GTPBP4: variants seen among roughly 807,000 people sequenced by gnomAD.
The protein encoded by GTPBP4 is GTP binding protein 4, also known as GTP-binding protein 4.
In GTPBP4, 15 loss-of-function variants were observed where a neutral mutation model predicts 81.7. The ratio of observed to expected loss-of-function variants is 0.18; its 90% CI spans 0.12 to 0.28. The LOEUF (loss-of-function observed/expected upper bound fraction) is 0.28. GTPBP4 is among the 10% of genes least tolerant of loss of function. GTPBP4 has a pLI of 1.00. For missense variants in GTPBP4, 847 were observed against 793.8 expected, an observed-to-expected ratio of 1.07 and a Z score of -0.81; for synonymous variants, 272 against 274.6, an observed-to-expected ratio of 0.99 and a Z score of 0.09.
In GTPBP4 at chr10:1,007,052, C is replaced by G; in HGVS notation, c.1037C>G (p.Thr346Ser). The G allele has an allele frequency of 6.2e-7, 1 of 1,613,116 alleles. No homozygotes were observed. Among genetic ancestry groups the G allele is most frequent in the Non-Finnish European group, 8.5e-7 (1 of 1,179,158 alleles). ...CDRLLAHRVETKMKGNKVNEV... is the reference protein window; with the variant it reads ...CDRLLAHRVESKMKGNKVNEV... ...AGGCTTTTGGCTCATCGAGTGGAAA[C>G]CAAAATGAAGGGAAATAAAGTGAAT... The change falls in exon 10 of 17, where the codon ACC becomes AGC. Residue 346 changes from threonine to serine, a missense_variant. Thr to Ser is a moderately conservative substitution (Grantham distance 58). This residue lies in a region of GTPBP4 where 600 missense variants were observed against 557.1 expected (regional missense o/e 1.08). Transcript: ENST00000360803.
intron 8 of GTPBP4, among the ~76,000 whole-genome samples, chr10:1,003,890 G>T (rs1831681052): frequency 6.6e-6 from 1 of 152,188 alleles, no homozygotes; most frequent in Non-Finnish European, 1.5e-5. Context: ...ACTCAGGGTA[G>T]CTGTGGGACT....
In GTPBP4 at chr10:1,008,959, A is replaced by G. The variant is rs1331964005; in HGVS notation, c.1115A>G (p.Glu372Gly). 1.2e-6 allele frequency: 2 copies of G among 1,606,538 alleles called. No homozygotes were observed. Reference protein sequence around the residue: ...LAIPTRRDDKERPPFIPEGVV... With the variant: ...LAIPTRRDDKGRPPFIPEGVV... ...ATATTTTATATGGGATCTTCTCAGG[A>G]GAGGCCCCCTTTCATCCCTGAAGGA... The change falls in exon 11 of 17, where the codon GAG becomes GGG. Residue 372 changes from glutamate to glycine, a missense_variant and splice_region_variant. Glu to Gly is a moderately conservative substitution (Grantham distance 98). Coordinates refer to ENST00000360803, the MANE Select transcript of GTPBP4 (RefSeq NM_012341.3).
rs1831880915 is a variant in GTPBP4, at chr10:1,011,825, C to CAGAAA, written c.1345-640_1345-639insAGAAA. 7.2e-5 allele frequency among the ~76,000 whole-genome samples: 11 copies of CAGAAA among 152,334 alleles called. 2 individuals carry two copies. The South Asian group carries it at 2.3e-3, about 32-fold the overall frequency. On this transcript the variant is annotated intron_variant, in intron 13 of 16. Coordinates refer to ENST00000360803, the MANE Select transcript of GTPBP4 (RefSeq NM_012341.3). ...CGCGGTGGCCGCCTGCCTTCCCAGC[C>CAGAAA]TCTTCCCCTCTGCAGTGCGCGCTCT...
At chr10:990,778 C>A (rs1179847483) in intron 1 of GTPBP4, among the ~76,000 whole-genome samples, 2 of 142,050 alleles carry the variant, frequency 1.4e-5, no homozygotes, top group Non-Finnish European at 3.0e-5. Flanking sequence ...TATGACCATA[C>A]TAGAAATAAA....
chr10:995,643 C>G (rs1373678163), intron 2 of GTPBP4, among the ~76,000 whole-genome samples: 1 of 152,128 alleles, frequency 6.6e-6, no homozygotes, highest in East Asian at 1.9e-4. Flanking sequence ...AGTTCCTGAG[C>G]AACAGGAAGG....
intron 8 of GTPBP4, among the ~76,000 whole-genome samples, chr10:1,001,840 C>A (rs990833017): frequency 6.6e-6 from 1 of 151,914 alleles, no homozygotes; most frequent in Non-Finnish European, 1.5e-5. Context: ...GTTTCATGGA[C>A]TGAGGAGAGG....
intron 1 of GTPBP4, among the ~76,000 whole-genome samples, chr10:990,711 G>A (rs1423097237): frequency 9.6e-6 from 1 of 104,366 alleles, no homozygotes; most frequent in African/African-American, 4.0e-5. Flanking sequence ...CTGGGCAACA[G>A]AGCAAGACTC....
At position 1,017,810 on chromosome 10, in the gene GTPBP4, G is replaced by A. The variant is rs895095886; in HGVS notation, c.*583G>A. ...TTTTAAAGCAAAAATACTTTTGGGG[G>A]AGTAAAATGTTGCTGGAGGCATTAG... On this transcript the variant is annotated 3_prime_UTR_variant, in exon 17 of 17. Coordinates refer to ENST00000360803, the MANE Select transcript of GTPBP4 (RefSeq NM_012341.3). The A allele has an allele frequency of 6.6e-6, 1 of 152,204 alleles. No individual in the cohort carries two copies. The allele number at this position is 152,204 out of a possible 1,614,324, so 9.4% of individuals were successfully genotyped here. A position where few individuals can be genotyped will look rare whatever the true frequency, so the allele number is the denominator to read the frequency against.
chr10:1,000,923 T>A, intron 7 of GTPBP4, 25 bp from the exon 8 acceptor site: 1 of 1,599,154 alleles, frequency 6.3e-7, no homozygotes, highest in Non-Finnish European at 8.6e-7. Context: ...GAATAATGAT[T>A]TCATTATTTT....
In GTPBP4 at chr10:1,017,961, T is replaced by G. The variant is rs991094617; in HGVS notation, c.*734T>G. ...GCTGGGGAGCGTTGGGGTGAAGAGCTGTGGGGTCGGAGGGACCTGCCCAGG... is the reference window on the plus strand; with the variant it reads ...GCTGGGGAGCGTTGGGGTGAAGAGCGGTGGGGTCGGAGGGACCTGCCCAGG... On this transcript the variant is annotated 3_prime_UTR_variant, in exon 17 of 17. Coordinates refer to ENST00000360803, the MANE Select transcript of GTPBP4 (RefSeq NM_012341.3). The G allele has an allele frequency of 6.6e-6, 1 of 152,162 alleles. No individual in the cohort carries two copies. Among genetic ancestry groups the G allele is most frequent in the South Asian group, 2.1e-4 (1 of 4,830 alleles). The allele number at this position is 152,162 out of a possible 1,614,324, so 9.4% of individuals were successfully genotyped here.
chr10:1,013,532 C>A (rs1831918690), intron 14 of GTPBP4, among the ~76,000 whole-genome samples: 2 of 151,980 alleles, frequency 1.3e-5, no homozygotes, highest in African/African-American at 2.4e-5. Context: ...ATGGTGTGAA[C>A]CCGGGAGGCA....
chr10:1,007,306 C>T (rs957603837), intron 10 of GTPBP4, 178 bp downstream of exon 10: 14 of 546,632 alleles, frequency 2.6e-5, no homozygotes, highest in Non-Finnish European at 3.3e-5. Flanking sequence ...AAGTGCAGAA[C>T]GCCACATGGC....
intron 9 of GTPBP4, among the ~76,000 whole-genome samples, chr10:1,006,689 A>T (rs1478632842): frequency 6.6e-6 from 1 of 151,694 alleles, no homozygotes; most frequent in Non-Finnish European, 1.5e-5. Context: ...GGATTTAAAA[A>T]GATGGCACTC....
At chr10:1,016,710 A>G (rs957977282) in intron 16 of GTPBP4, among the ~76,000 whole-genome samples, 1 of 152,234 alleles carries the variant, frequency 6.6e-6, no homozygotes, top group Non-Finnish European at 1.5e-5. Context: ...TGTCCTGGGT[A>G]TGATTTTCAT....
Position 1,009,541 on chromosome 10 carries a change from G to C in GTPBP4, c.1204G>C (p.Glu402Gln). Residue 402 changes from glutamate (E) to glutamine (Q), a missense_variant, in exon 12 of 17, where the codon GAG becomes CAG. Transcript: ENST00000360803. ...CTTTCTATTGCAGGAACGAGATCTT[G>C]AGCTGGAAATGGGAGATGATTATAT... ...ESRKKRERDLELEMGDDYILD... is the reference protein window; with the variant it reads ...ESRKKRERDLQLEMGDDYILD... 6.2e-7 allele frequency: 1 copy of C among 1,604,856 alleles called. No individual in the cohort carries two copies. The highest frequency in any genetic ancestry group is 8.5e-7 in the Non-Finnish European group (1 of 1,171,480).
intron 8 of GTPBP4, among the ~76,000 whole-genome samples, chr10:1,003,907 C>G (rs1186204764): frequency 6.6e-6 from 1 of 152,128 alleles, no homozygotes; most frequent in African/African-American, 2.4e-5. Flanking sequence ...GACTGGGGTC[C>G]TAGCCTTAGG....
chr10:1,010,756 C>T (rs568063327), intron 13 of GTPBP4, among the ~76,000 whole-genome samples: 39 of 149,114 alleles, frequency 2.6e-4, no homozygotes, highest in African/African-American at 7.7e-4. Flanking sequence ...CCACCCACCC[C>T]GGACACTCTG....
At chr10:1,007,924 G>A (rs1831776469) in intron 10 of GTPBP4, 1 of 517,552 alleles carries the variant, frequency 1.9e-6, no homozygotes, top group Non-Finnish European at 3.8e-6. Context: ...TCGCTGATTT[G>A]TTACTTTTGT....
In GTPBP4 at chr10:1,000,830, G is replaced by A; in HGVS notation, c.808G>A (p.Glu270Lys). Residue 270 changes from glutamate to lysine, a missense_variant, in exon 7 of 17, where the codon GAA becomes AAA. Transcript: ENST00000360803. ...TGGGCATGGGCTGAGGGAGCAGCTA[G>A]AACTCTTCCAGAACATCAGACCTCT... The part of the protein sequence containing the change: ...QCGHGLREQL[E>K]LFQNIRPLFI... 6.2e-7 allele frequency: 1 copy of A among 1,610,934 alleles called. No individual in the cohort carries two copies. The highest frequency in any genetic ancestry group is 8.5e-7 in the Non-Finnish European group (1 of 1,178,212).
Sources: allele counts gnomAD v4.1 joint callset (sites outside exome capture counted in the v4.1 genomes callset), GRCh38; gene constraint gnomAD v4.1.1; regional missense constraint gnomAD v4.1.1; transcripts MANE v1.5; gene names NCBI Gene and HGNC (gene_info 2026-07-23, HGNC 2026-07-21).